IFT88: variants seen among roughly 807,000 people sequenced by gnomAD.
IFT88 encodes the protein intraflagellar transport 88, also known as intraflagellar transport protein 88 homolog.
A neutral mutation model predicts 119.5 loss-of-function variants in IFT88; 74 were observed. The ratio of observed to expected loss-of-function variants is 0.62; its 90% CI spans 0.51 to 0.75. The LOEUF (loss-of-function observed/expected upper bound fraction) is 0.75, where lower values mean the gene tolerates loss of function less well. IFT88 is among the 30% of genes least tolerant of loss of function. IFT88 has a pLI of 0.00. For synonymous variants in IFT88, 279 were observed against 316.7 expected (o/e 0.88, Z 1.26); for missense variants, 961 against 977.7 (o/e 0.98, Z 0.23).
chr13:20,642,666 T>C (rs553121449), intron 18 of IFT88: 51 of 152,360 alleles, frequency 3.3e-4, no homozygotes, highest in African/African-American at 1.2e-3. Context: ...TGTTCTGTTT[T>C]GTTCATTTAA....
chr13:20,607,594 C>T (rs574147459), intron 13 of IFT88: 70 of 752,100 alleles, frequency 9.3e-5, no homozygotes, highest in South Asian at 8.5e-4. Flanking sequence ...CACCATCTCC[C>T]GCTGCTCAAC....
At chr13:20,674,830 C>T (rs1403542786) in intron 24 of IFT88, among the ~76,000 whole-genome samples, 1 of 149,196 alleles carries the variant, frequency 6.7e-6, no homozygotes, top group Non-Finnish European at 1.5e-5. Flanking sequence ...TCTCCTCCCT[C>T]AGCCTCCCAA....
intron 12 of IFT88, among the ~76,000 whole-genome samples, chr13:20,602,749 G>C (rs2042821670): frequency 6.6e-6 from 1 of 152,084 alleles, no homozygotes; most frequent in South Asian, 2.1e-4. Context: ...TGGGTATGGT[G>C]GTGGGCGCCT....
At chr13:20,588,388 T>G (rs1364074703) in intron 3 of IFT88, among the ~76,000 whole-genome samples, 1 of 152,190 alleles carries the variant, frequency 6.6e-6, no homozygotes, top group African/African-American at 2.4e-5. Flanking sequence ...TGTACCCACT[T>G]CTGAGTTTCT....
At chr13:20,590,632 T>C (rs780729272) in intron 4 of IFT88, among the ~76,000 whole-genome samples, 1 of 152,212 alleles carries the variant, frequency 6.6e-6, no homozygotes, top group Non-Finnish European at 1.5e-5. Context: ...ACTTTTTCCA[T>C]GAAGGGCTAG....
intron 14 of IFT88, among the ~76,000 whole-genome samples, 190 bp downstream of exon 14, chr13:20,616,069 T>C (rs543412278): frequency 6.6e-6 from 1 of 152,346 alleles, no homozygotes; most frequent in South Asian, 2.1e-4. Flanking sequence ...TTATTACTCA[T>C]GTTATTTTGT....
intron 13 of IFT88, 62 bp from the exon 14 acceptor site, chr13:20,615,731 A>T (rs1461139826): frequency 3.3e-6 from 3 of 903,148 alleles, no homozygotes; most frequent in East Asian, 2.7e-5. Context: ...CTTAAATTTT[A>T]GGAAATCCAA....
intron 16 of IFT88, chr13:20,631,602 A>G (rs896970570): frequency 1.3e-5 from 2 of 152,762 alleles, no homozygotes; most frequent in African/African-American, 4.8e-5. Flanking sequence ...GTAGAGAACA[A>G]TAAACGAATG....
intron 24 of IFT88, among the ~76,000 whole-genome samples, chr13:20,682,423 C>G (rs2057427190): frequency 6.6e-6 from 1 of 152,214 alleles, no homozygotes; most frequent in African/African-American, 2.4e-5. Flanking sequence ...AGGATCTCCT[C>G]TAAGGATAGA....
chr13:20,690,789 A>G lies in IFT88; in HGVS notation c.2327A>G (p.Tyr776Cys), dbSNP rs1276395362. The G allele has an allele frequency of 6.2e-7, 1 of 1,613,348 alleles. No individual in the cohort carries two copies. Among genetic ancestry groups the G allele is most frequent in the Non-Finnish European group, 8.5e-7 (1 of 1,179,290 alleles). Residue 776 changes from tyrosine (Y) to cysteine (C), a missense_variant, in exon 25 of 26, where the codon TAT (tyrosine) becomes TGT (cysteine). Coordinates refer to ENST00000351808, the MANE Select transcript of IFT88 (RefSeq NM_006531.5). Reference sequence around the variant, plus strand: ...GCTTTACCTGGGACAAATGAACCTTATGAAAGTAGCAGTAACAAAGAAATA... The same window carrying G: ...GCTTTACCTGGGACAAATGAACCTTGTGAAAGTAGCAGTAACAAAGAAATA... ...LRALPGTNEP[Y>C]ESSSNKEIDA...
intron 23 of IFT88, among the ~76,000 whole-genome samples, chr13:20,667,103 G>A (rs948279197): frequency 1.5e-4 from 23 of 152,102 alleles, no homozygotes; most frequent in East Asian, 1.9e-4. Context: ...ACATCTTAGC[G>A]TTGAAGTGAT....
chr13:20,677,781 T>A (rs1028388260), intron 24 of IFT88, among the ~76,000 whole-genome samples: 2 of 152,136 alleles, frequency 1.3e-5, no homozygotes, highest in African/African-American at 2.4e-5. Context: ...CCAAAAAGCT[T>A]TTACAAAGTG....
intron 23 of IFT88, among the ~76,000 whole-genome samples, chr13:20,666,080 A>G (rs1297547679): frequency 6.6e-6 from 1 of 152,222 alleles, no homozygotes; most frequent in Non-Finnish European, 1.5e-5. Context: ...CTTGTTCCAT[A>G]GAACCGAAAC....
chr13:20,619,049 G>A (rs2046098480), intron 14 of IFT88, among the ~76,000 whole-genome samples: 1 of 151,774 alleles, frequency 6.6e-6, no homozygotes, highest in Admixed American at 6.6e-5. Flanking sequence ...GTTGAGATGG[G>A]GTTTCACCGT....
At chr13:20,597,355 C>T (rs954923948) in intron 9 of IFT88, among the ~76,000 whole-genome samples, 41 of 152,030 alleles carry the variant, frequency 2.7e-4, no homozygotes, top group African/African-American at 9.7e-4. Flanking sequence ...GCCTGTAATC[C>T]TAACACCTTG....
chr13:20,575,071 T>G (rs1051035514), intron 2 of IFT88, among the ~76,000 whole-genome samples: 24 of 152,058 alleles, frequency 1.6e-4, no homozygotes, highest in Non-Finnish European at 3.5e-4. Context: ...TTTTGTTTTT[T>G]TTTTTGTACC....
chr13:20,579,375 T>C (rs1351429677), intron 2 of IFT88, among the ~76,000 whole-genome samples: 1 of 152,166 alleles, frequency 6.6e-6, no homozygotes, highest in Non-Finnish European at 1.5e-5. Flanking sequence ...CAAAGTCCTT[T>C]CCACTCTTTC....
chr13:20,621,165 C>G (rs1466493197), intron 14 of IFT88, among the ~76,000 whole-genome samples: 2 of 152,090 alleles, frequency 1.3e-5, no homozygotes, highest in African/African-American at 4.8e-5. Flanking sequence ...TCCCTAGTTT[C>G]AAGAAATTCT....
intron 13 of IFT88, among the ~76,000 whole-genome samples, chr13:20,605,368 T>C (rs1197893407): frequency 6.6e-6 from 1 of 152,198 alleles, no homozygotes; most frequent in Non-Finnish European, 1.5e-5. Flanking sequence ...TCTCAATTAC[T>C]CAATCTCAGT....
Sources: gnomAD v4.1 joint callset for allele counts (sites outside exome capture counted in the v4.1 genomes callset) on GRCh38, gnomAD v4.1.1 for gene constraint, MANE v1.5 for transcripts, NCBI Gene and HGNC (gene_info 2026-07-23, HGNC 2026-07-21) for gene names.